STIMATE: variants seen among roughly 807,000 people sequenced by gnomAD.
The protein encoded by STIMATE is STIM activating enhancer, also known as store-operated calcium entry regulator STIMATE.
Under a neutral mutation model 36.7 loss-of-function variants are expected in STIMATE, and 15 were observed. The ratio of observed to expected loss-of-function variants is 0.41; its 90% confidence interval spans 0.27 to 0.63. The LOEUF (loss-of-function observed/expected upper bound fraction) is 0.63. Among genes scored for constraint, STIMATE ranks in the 20% least tolerant of loss-of-function variants. STIMATE has a pLI of 0.32. For synonymous variants in STIMATE, 163 were observed against 162.3 expected (o/e 1.00, Z -0.03); for missense variants, 305 against 397.3 (o/e 0.77, Z 1.98).
Position 52,897,397 on chromosome 3 carries a change from G to C in STIMATE, c.54C>G (p.Ser18=), listed in dbSNP as rs1701884346. The C allele has an allele frequency of 1.3e-6, 2 of 1,494,302 alleles. No homozygotes were observed. The highest frequency in any genetic ancestry group is 1.5e-5 in the African/African-American group (1 of 68,712). The allele number at this position is 1,494,302 out of a possible 1,614,324, so 92.6% of individuals were successfully genotyped here. The change falls in exon 1 of 8, where the codon TCC becomes TCG. Residue 18 remains serine (S), a synonymous_variant. Transcript: ENST00000355083. ...AGCGGCCCGCCCCGGACGCGACTGT[G>C]GAGGGCGGCCCGCCTGGCAGTCCCC... ...ASRGLPGGPP[S]TVASGAGRCE...
intron 1 of STIMATE, chr3:52,895,873 C>T (rs1701856439): frequency 7.8e-7 from 1 of 1,288,360 alleles, no homozygotes; most frequent in African/African-American, 1.5e-5. Context: ...TGAAGATCCA[C>T]TCACCATGTC....
chr3:52,844,386 G>A (rs547671859), intron 5 of STIMATE, among the ~76,000 whole-genome samples: 27 of 152,236 alleles, frequency 1.8e-4, no homozygotes, highest in African/African-American at 6.3e-4. Flanking sequence ...GTCAGAGGGC[G>A]GAAGCCACGG....
At chr3:52,840,856 C>T (rs1304794990) in intron 7 of STIMATE, among the ~76,000 whole-genome samples, 1 of 152,104 alleles carries the variant, frequency 6.6e-6, no homozygotes. Flanking sequence ...TGGCACCATG[C>T]CTGGTTCGTT....
At chr3:52,873,682 G>C (rs1490894687) in intron 1 of STIMATE, among the ~76,000 whole-genome samples, 1 of 152,188 alleles carries the variant, frequency 6.6e-6, no homozygotes, top group Admixed American at 6.5e-5. Context: ...TGCAGAATTT[G>C]ACCTAAGAGC....
intron 1 of STIMATE, among the ~76,000 whole-genome samples, chr3:52,875,747 C>G (rs992655886): frequency 6.6e-6 from 1 of 152,170 alleles, no homozygotes; most frequent in Non-Finnish European, 1.5e-5. Flanking sequence ...TAGGATAAAC[C>G]CCCAGTGCAG....
intron 1 of STIMATE, among the ~76,000 whole-genome samples, chr3:52,877,802 T>C (rs548593640): frequency 6.0e-4 from 91 of 152,216 alleles, no homozygotes; most frequent in Middle Eastern, 6.8e-3. Flanking sequence ...CCCATTAAGA[T>C]AGGTAATCAC....
chr3:52,886,616 T>C (rs1701690073), intron 1 of STIMATE, among the ~76,000 whole-genome samples: 1 of 152,232 alleles, frequency 6.6e-6, no homozygotes, highest in East Asian at 1.9e-4. Context: ...CACTCTGTAT[T>C]TGTGGCTCCC....
chr3:52,846,124 T>C (rs1045536293), intron 4 of STIMATE, among the ~76,000 whole-genome samples: 3 of 152,208 alleles, frequency 2.0e-5, no homozygotes, highest in African/African-American at 7.2e-5. Context: ...AATGACTTTA[T>C]GCAGCTGCAA....
intron 3 of STIMATE, among the ~76,000 whole-genome samples, chr3:52,850,976 A>G (rs1030945673): frequency 3.9e-5 from 6 of 152,072 alleles, no homozygotes; most frequent in Non-Finnish European, 4.4e-5. Flanking sequence ...GGATATGCCC[A>G]CCCTGGCCTC....
intron 4 of STIMATE, 129 bp from the exon 5 acceptor site, chr3:52,845,070 C>T: frequency 6.5e-6 from 5 of 765,410 alleles, no homozygotes; most frequent in Non-Finnish European, 9.8e-6. Flanking sequence ...TAATGAGCCC[C>T]CCCAAAAGTC....
At position 52,896,492 on chromosome 3, in the gene STIMATE, G is replaced by A. The variant is rs375234625; in HGVS notation, c.160+799C>T. ...CCCCACCCCCCATCAGCACACATGA[G>A]AACAGGGTGGGGGCTTCCTTCTCTA... On this transcript the variant is annotated intron_variant, in intron 1 of 7. Transcript: ENST00000355083. Among the ~76,000 whole-genome samples the A allele has an allele frequency of 4.5e-3, 690 of 152,202 alleles. 7 individuals are homozygous for A. The highest frequency in any genetic ancestry group is 7.7e-3 in the Non-Finnish European group (524 of 68,008).
intron 1 of STIMATE, among the ~76,000 whole-genome samples, chr3:52,894,378 C>G (rs577376673): frequency 1.3e-5 from 2 of 152,250 alleles, no homozygotes; most frequent in South Asian, 4.2e-4. Flanking sequence ...CATGTATGAC[C>G]TGGCATATAC....
chr3:52,873,547 C>G (rs1444878264), intron 1 of STIMATE, among the ~76,000 whole-genome samples: 2 of 152,064 alleles, frequency 1.3e-5, no homozygotes, highest in East Asian at 1.9e-4. Context: ...AAACTGGTAC[C>G]AAGGGTAGCC....
intron 3 of STIMATE, 94 bp downstream of exon 3, chr3:52,852,508 GC>G: frequency 2.0e-6 from 3 of 1,505,724 alleles, no homozygotes; most frequent in Non-Finnish European, 2.7e-6. Flanking sequence ...CTCTCCCCAA[GC>G]CAGAGGGAGC....
Position 52,842,701 on chromosome 3 carries a change from G to A in STIMATE, c.768+110C>T, listed in dbSNP as rs1459701034. The A allele has an allele frequency of 1.5e-4, 230 of 1,558,146 alleles. 3 individuals are homozygous for A. In the South Asian group the frequency reaches 2.6e-3, roughly 18 times the overall value. ...AGCCTCTTCTCCTGCCCTCTGGCTC[G>A]CACTGTGACTCTGCACTCAAGGGAA... On this transcript the variant is annotated intron_variant, in intron 7 of 7. Coordinates refer to ENST00000355083, the MANE Select transcript of STIMATE (RefSeq NM_198563.5).
intron 2 of STIMATE, 67 bp from the exon 3 acceptor site, chr3:52,852,765 G>A: frequency 2.1e-5 from 33 of 1,585,376 alleles, no homozygotes; most frequent in Non-Finnish European, 2.7e-5. Context: ...TGAGGAAAAC[G>A]AGAAGACTGA....
intron 1 of STIMATE, among the ~76,000 whole-genome samples, chr3:52,859,809 G>T (rs1385721129): frequency 6.6e-6 from 1 of 152,052 alleles, no homozygotes; most frequent in Non-Finnish European, 1.5e-5. Context: ...AGAGATTTGA[G>T]CCAATGTAGC....
At chr3:52,897,162 C>G (rs1384296870) in intron 1 of STIMATE, 129 bp downstream of exon 1, 1 of 1,264,768 alleles carries the variant, frequency 7.9e-7, no homozygotes, top group Non-Finnish European at 1.1e-6. Context: ...GAATACCCAG[C>G]CTGGGTTTGC....
rs1320549562 is a variant in STIMATE, at chr3:52,852,587, A to T, written c.305+16T>A. On this transcript the variant is annotated intron_variant, in intron 3 of 7. Transcript: ENST00000355083. ...GAGGGGCAGCTGATGTTTGCACTCA[A>T]ATAGGGAACACTTACAGTGAACAAG... is the stretch of plus-strand genomic sequence containing the variant. 6.2e-7 allele frequency: 1 copy of T among 1,612,510 alleles called. No individual in the cohort carries two copies.
Sources: gnomAD v4.1 joint callset for allele counts (sites outside exome capture counted in the v4.1 genomes callset) on GRCh38, gnomAD v4.1.1 for gene constraint, MANE v1.5 for transcripts, NCBI Gene and HGNC (gene_info 2026-07-23, HGNC 2026-07-21) for gene names.